POLN: variants seen among roughly 807,000 people sequenced by gnomAD.
POLN encodes the protein DNA polymerase nu.
In POLN, 108 loss-of-function variants were observed where a neutral mutation model predicts 113.5. That is an observed-to-expected ratio of 0.95 (90% CI 0.81 to 1.12). POLN has a LOEUF of 1.12. Among genes scored for constraint, POLN ranks in the 50% most tolerant of loss-of-function variants. POLN has a pLI of 0.00. For synonymous variants in POLN, 386 were observed against 391.5 expected, an observed-to-expected ratio of 0.99 and a Z score of 0.17; for missense variants, 1,097 against 1,077.1, an observed-to-expected ratio of 1.02 and a Z score of -0.26.
chr4:2,194,635 T>C (rs967942348), intron 6 of POLN, among the ~76,000 whole-genome samples: 3 of 152,210 alleles, frequency 2.0e-5, no homozygotes, highest in Non-Finnish European at 2.9e-5. Context: ...AGTTCTGTGA[T>C]GAGGTAATCT....
chr4:2,157,811 CA>C, intron 15 of POLN, 46 bp downstream of exon 15: 1 of 1,328,972 alleles, frequency 7.5e-7, no homozygotes. Context: ...TGAACTCATA[CA>C]AAAACCACAG....
intron 23 of POLN, chr4:2,080,750 T>G: frequency 6.9e-7 from 1 of 1,444,596 alleles, no homozygotes; most frequent in South Asian, 1.4e-5. Context: ...AGAGGCCTCA[T>G]CTGCACCCCA....
rs552589500 is a variant in POLN at position 2,229,109 on chromosome 4, C to G, written c.123G>C (p.Lys41Asn). The G allele has an allele frequency of 2.5e-6, 4 of 1,602,638 alleles. No individual in the cohort carries two copies. The South Asian group carries it at 4.5e-5, about 18-fold the overall frequency. ...GDLVDSKTWGKSTETMEVINK... is the reference protein window; with the variant it reads ...GDLVDSKTWGNSTETMEVINK... The stretch of plus-strand genomic sequence containing the variant: ...ATAAAAATTACTTACTCTCTGTACT[C>G]TTTCCCCAAGTCTTAGAATCCACTA... Residue 41 changes from lysine to asparagine, a missense_variant, in exon 3 of 26, where the codon AAG becomes AAC. Transcript: ENST00000511885.
chr4:2,191,101 A>C (rs1733428985), intron 7 of POLN, among the ~76,000 whole-genome samples: 1 of 152,244 alleles, frequency 6.6e-6, no homozygotes, highest in Non-Finnish European at 1.5e-5. Context: ...AGCCAAAATA[A>C]GGAATTAACC....
intron 20 of POLN, among the ~76,000 whole-genome samples, chr4:2,091,724 A>C (rs1730666519): frequency 6.6e-6 from 1 of 151,858 alleles, no homozygotes; most frequent in Non-Finnish European, 1.5e-5. Context: ...GACTCTTCCC[A>C]CAGACGGCTA....
intron 19 of POLN, among the ~76,000 whole-genome samples, chr4:2,096,588 T>C (rs991939892): frequency 6.6e-6 from 1 of 150,984 alleles, no homozygotes; most frequent in Non-Finnish European, 1.5e-5. Context: ...ACATGTACCC[T>C]CGGTGCCACC....
At chr4:2,201,811 G>A (rs1346445245) in intron 5 of POLN, among the ~76,000 whole-genome samples, 1 of 152,146 alleles carries the variant, frequency 6.6e-6, no homozygotes, top group East Asian at 1.9e-4. Context: ...AAAGCACCAG[G>A]TAACCTATAA....
chr4:2,166,318 AG>A (rs1732727467), intron 13 of POLN, among the ~76,000 whole-genome samples: 1 of 152,140 alleles, frequency 6.6e-6, no homozygotes, highest in Admixed American at 6.5e-5. Flanking sequence ...TTCCTTGCAT[AG>A]GCACTTCCTG....
At chr4:2,082,532 CTG>C (rs759285641) in intron 21 of POLN, 7 of 152,240 alleles carry the variant, frequency 4.6e-5, no homozygotes, top group Non-Finnish European at 1.0e-4. Flanking sequence ...CACAAACACA[CTG>C]TGTTAGCTGA....
chr4:2,167,895 G>A (rs940946928), intron 13 of POLN, among the ~76,000 whole-genome samples: 8 of 152,014 alleles, frequency 5.3e-5, no homozygotes, highest in African/African-American at 1.9e-4. Flanking sequence ...GCAAGACTCT[G>A]TCTCAAAAAA....
chr4:2,096,832 C>T (rs965961386), intron 19 of POLN, among the ~76,000 whole-genome samples: 1 of 152,188 alleles, frequency 6.6e-6, no homozygotes, highest in African/African-American at 2.4e-5. Flanking sequence ...AGGCTTTTCA[C>T]AGCTCTACCT....
chr4:2,194,935 T>G (rs1459661000), intron 6 of POLN, among the ~76,000 whole-genome samples: 1 of 152,004 alleles, frequency 6.6e-6, no homozygotes. Context: ...TGTATATACA[T>G]GCACACATAC....
chr4:2,174,577 G>T, intron 10 of POLN, 114 bp downstream of exon 10: 1 of 863,754 alleles, frequency 1.2e-6, no homozygotes, highest in Non-Finnish European at 1.9e-6. Context: ...TACCTCTCTG[G>T]TGCCCATGAG....
chr4:2,173,429 G>A (rs1187701288), intron 11 of POLN, among the ~76,000 whole-genome samples: 2 of 151,252 alleles, frequency 1.3e-5, no homozygotes, highest in South Asian at 2.1e-4. Context: ...GTCATCCTAC[G>A]CTGCTATCAA....
chr4:2,211,333 T>C (rs1179940225), intron 4 of POLN, among the ~76,000 whole-genome samples: 2 of 150,652 alleles, frequency 1.3e-5, no homozygotes, highest in African/African-American at 2.4e-5. Context: ...TCAAAGTGCA[T>C]ATTTAATTTT....
intron 6 of POLN, among the ~76,000 whole-genome samples, chr4:2,193,841 T>A (rs1385236198): frequency 2.0e-5 from 3 of 152,232 alleles, no homozygotes; most frequent in African/African-American, 7.2e-5. Flanking sequence ...TATGCCCTAA[T>A]TCCCCAGGCA....
intron 2 of POLN, chr4:2,230,128 C>T (rs1734529651): frequency 6.6e-6 from 1 of 152,524 alleles, no homozygotes; most frequent in African/African-American, 2.4e-5. Context: ...AACCCCGTCT[C>T]TACTGAAAAT....
intron 16 of POLN, among the ~76,000 whole-genome samples, chr4:2,148,874 T>C (rs1732218762): frequency 6.6e-6 from 1 of 152,158 alleles, no homozygotes; most frequent in Non-Finnish European, 1.5e-5. Context: ...GATGAAAGAC[T>C]TCCTATCAAA....
At position 2,241,520 on chromosome 4, in the gene POLN, C is replaced by G. The variant is rs1734987144; in HGVS notation, c.-13G>C. 5 of 985,846 alleles carry G rather than the reference C, an allele frequency of 5.1e-6. No individual in the cohort carries two copies. Among genetic ancestry groups the G allele is most frequent in the Non-Finnish European group, 6.0e-6 (5 of 830,324 alleles). 61.1% of individuals were successfully genotyped at this position (985,846 alleles called of 1,614,324 possible). On this transcript the variant is annotated splice_region_variant and 5_prime_UTR_variant, in exon 2 of 26. Transcript: ENST00000511885. The stretch of plus-strand genomic sequence containing the variant: ...TTCTGAAGATCAACTAAATATTTAC[C>G]TCAACGTCTCGCCGGGCAAGGCTCC...
Sources: gnomAD v4.1 joint callset for allele counts (sites outside exome capture counted in the v4.1 genomes callset) on GRCh38, gnomAD v4.1.1 for gene constraint, MANE v1.5 for transcripts, NCBI Gene and HGNC (gene_info 2026-07-23, HGNC 2026-07-21) for gene names.